The following CNNM1 variants were observed in gnomAD, a reference collection of about 807,000 sequenced individuals.
CNNM1 encodes the protein metal transporter CNNM1.
CNNM1 carries 44 observed loss-of-function variants against 78.8 expected under a neutral mutation model. The ratio of observed to expected loss-of-function variants is 0.56; its 90% confidence interval spans 0.44 to 0.72. CNNM1 has a LOEUF of 0.72. Among genes scored for constraint, CNNM1 ranks in the 30% least tolerant of loss-of-function variants. CNNM1 has a pLI of 0.00. For missense variants in CNNM1, 1,101 were observed against 1,292.2 expected (o/e 0.85, Z 2.27); for synonymous variants, 584 against 581.5 (o/e 1.00, Z -0.06).
chr10:99,360,869 G>A lies in CNNM1; in HGVS notation c.1752G>A (p.Arg584=), dbSNP rs1263342993. The change falls in exon 3 of 11, where the codon CGG becomes CGA. Residue 584 remains arginine (R), a synonymous_variant. Coordinates refer to ENST00000356713, the MANE Select transcript of CNNM1 (RefSeq NM_020348.3). The part of the protein sequence containing the change: ...DNRKKQRVPQ[R]ERKRHDFSLF... The stretch of plus-strand genomic sequence containing the variant: ...GGAAAAAGCAGAGGGTCCCGCAACG[G>A]GAGCGGAAGCGGCATGACTTCTCCT... The A allele has an allele frequency of 6.2e-7, 1 of 1,611,608 alleles. No individual in the cohort carries two copies. The highest frequency in any genetic ancestry group is 8.5e-7 in the Non-Finnish European group (1 of 1,178,062).
intron 6 of CNNM1, chr10:99,368,335 A>G (rs1313472840): frequency 1.0e-5 from 3 of 297,482 alleles, no homozygotes; most frequent in East Asian, 1.6e-4. Context: ...TGCTTCCCAC[A>G]GGGCTCGGCT....
intron 6 of CNNM1, among the ~76,000 whole-genome samples, chr10:99,372,187 G>A (rs1186415740): frequency 6.6e-6 from 1 of 152,140 alleles, no homozygotes; most frequent in African/African-American, 2.4e-5. Flanking sequence ...CCCGATTACA[G>A]TGTGAAGTCC....
intron 10 of CNNM1, among the ~76,000 whole-genome samples, chr10:99,391,149 G>A (rs1464013023): frequency 6.6e-6 from 1 of 152,258 alleles, no homozygotes; most frequent in Non-Finnish European, 1.5e-5. Flanking sequence ...TGGGCCTGAG[G>A]TGTTACATGG....
At chr10:99,382,891 C>T (rs549775308) in intron 7 of CNNM1, among the ~76,000 whole-genome samples, 21 of 152,332 alleles carry the variant, frequency 1.4e-4, no homozygotes, top group Middle Eastern at 6.8e-3. Flanking sequence ...AACAGACCTC[C>T]GCTTCCTTTG....
At chr10:99,361,397 A>G (rs1457647667) in intron 3 of CNNM1, among the ~76,000 whole-genome samples, 1 of 152,220 alleles carries the variant, frequency 6.6e-6, no homozygotes, top group Admixed American at 6.5e-5. Flanking sequence ...GAAAGAAAAA[A>G]AAGTGAGAAA....
intron 1 of CNNM1, among the ~76,000 whole-genome samples, chr10:99,337,829 A>G (rs1160240599): frequency 6.6e-6 from 1 of 152,234 alleles, no homozygotes; most frequent in Admixed American, 6.5e-5. Flanking sequence ...AAACTTTAAT[A>G]TAATGGAAGA....
rs751993329 is a variant in CNNM1 at position 99,362,362 on chromosome 10, A to G, written c.1994A>G (p.Asn665Ser). The change falls in exon 4 of 11, where the codon AAC becomes AGC. Residue 665 changes from asparagine to serine, a missense_variant. By Grantham distance (46) the Asn-to-Ser change is conservative. Around this residue, in one of 3 missense-constraint regions of CNNM1, gnomAD observed 348 missense variants for 384.5 expected, o/e 0.90. Coordinates refer to ENST00000356713, the MANE Select transcript of CNNM1 (RefSeq NM_020348.3). ...KAPEHYLYQR[N>S]RPVDYFVLLL... ...CCGGAACACTACCTCTACCAGCGCAACCGCCCTGTGGACTACTTTGTGCTG... is the reference window on the plus strand; with the variant it reads ...CCGGAACACTACCTCTACCAGCGCAGCCGCCCTGTGGACTACTTTGTGCTG... 10 of 1,613,744 alleles carry G rather than the reference A, an allele frequency of 6.2e-6. No individual in the cohort carries two copies. In the African/African-American group the frequency reaches 6.7e-5, roughly 11 times the overall value.
rs2032480160 is a variant in CNNM1 at position 99,391,752 on chromosome 10, G to A, written c.*236G>A. The A allele has an allele frequency of 2.1e-6, 1 of 480,954 alleles. No individual in the cohort carries two copies. Among genetic ancestry groups the A allele is most frequent in the African/African-American group, 2.0e-5 (1 of 51,200 alleles). 29.8% of individuals were successfully genotyped at this position (480,954 alleles called of 1,614,324 possible). Reference sequence around the variant, plus strand: ...GAGGTGCCTCTGATAGAACATGCTAGAAATGGTCTTTTCCACAGCATAGTC... The same window carrying A: ...GAGGTGCCTCTGATAGAACATGCTAAAAATGGTCTTTTCCACAGCATAGTC... On this transcript the variant is annotated 3_prime_UTR_variant, in exon 11 of 11. Transcript: ENST00000356713.
At chr10:99,346,027 G>A (rs1347977262) in intron 1 of CNNM1, among the ~76,000 whole-genome samples, 4 of 151,990 alleles carry the variant, frequency 2.6e-5, no homozygotes, top group African/African-American at 4.8e-5. Flanking sequence ...TGAACAATAC[G>A]TTTTGACATA....
In CNNM1 at chr10:99,364,681, A is replaced by G. The variant is rs549821853; in HGVS notation, c.2128+165A>G. ...CCTCTGCAAAATGGGTGTATGAATC[A>G]CTTTTCATTCAGTTAGTGCTTAAAA... On this transcript the variant is annotated intron_variant, in intron 5 of 10. Transcript: ENST00000356713. Among the ~76,000 whole-genome samples, 17 of 152,264 alleles carry G rather than the reference A, an allele frequency of 1.1e-4. No individual in the cohort carries two copies. In the East Asian group the frequency reaches 3.3e-3, roughly 29 times the overall value.
rs560876647 is a variant in CNNM1 at position 99,389,154 on chromosome 10, G to A, written c.2674+853G>A. Among the ~76,000 whole-genome samples the A allele has an allele frequency of 1.3e-3, 192 of 152,288 alleles. 1 individual carries two copies. The South Asian group carries it at 0.038, about 30-fold the overall frequency. ...AAGTTGGCCGGGCACGGTGGCTCAT[G>A]CCTGTAATCCCAGCACTTTGGGAGG... On this transcript the variant is annotated intron_variant, in intron 9 of 10. Coordinates refer to ENST00000356713, the MANE Select transcript of CNNM1 (RefSeq NM_020348.3).
intron 1 of CNNM1, among the ~76,000 whole-genome samples, chr10:99,353,828 G>T (rs953483505): frequency 6.6e-6 from 1 of 152,212 alleles, no homozygotes; most frequent in African/African-American, 2.4e-5. Context: ...AGCTTACCTA[G>T]GTACATTATC....
chr10:99,355,217 T>C (rs993251796), intron 1 of CNNM1, among the ~76,000 whole-genome samples: 4 of 137,178 alleles, frequency 2.9e-5, no homozygotes, highest in Non-Finnish European at 6.0e-5. Flanking sequence ...TAGGTGGGAA[T>C]TGAACAATGA....
At chr10:99,368,800 G>A in intron 6 of CNNM1, 1 of 574,854 alleles carries the variant, frequency 1.7e-6, no homozygotes, top group South Asian at 1.6e-5. Context: ...CTGTGACTAA[G>A]GCATAGCACT....
intron 2 of CNNM1, among the ~76,000 whole-genome samples, chr10:99,360,206 A>G (rs1017907132): frequency 5.3e-5 from 8 of 152,138 alleles, no homozygotes; most frequent in Non-Finnish European, 1.0e-4. Context: ...GGGTTGAAGC[A>G]GGGAAATTGT....
intron 1 of CNNM1, among the ~76,000 whole-genome samples, chr10:99,349,163 C>T (rs991202476): frequency 1.3e-4 from 20 of 152,164 alleles, no homozygotes; most frequent in African/African-American, 4.6e-4. Context: ...TTGCTGGGAT[C>T]TTTAATCAGC....
At chr10:99,337,934 T>C (rs1028737104) in intron 1 of CNNM1, among the ~76,000 whole-genome samples, 3 of 152,240 alleles carry the variant, frequency 2.0e-5, no homozygotes, top group African/African-American at 7.2e-5. Flanking sequence ...AAGAAAAGTG[T>C]TGCATCTATT....
chr10:99,355,964 C>T (rs1183355961), intron 1 of CNNM1, among the ~76,000 whole-genome samples: 1 of 152,188 alleles, frequency 6.6e-6, no homozygotes, highest in Non-Finnish European at 1.5e-5. Context: ...GTCATTTGAG[C>T]TCCACAGTCA....
chr10:99,329,711 C>A lies in CNNM1; in HGVS notation c.324C>A (p.Phe108Leu). The A allele has an allele frequency of 6.5e-7, 1 of 1,536,324 alleles. No homozygotes were observed. The highest frequency in any genetic ancestry group is 1.2e-5 in the South Asian group (1 of 83,112). Residue 108 changes from phenylalanine to leucine, a missense_variant, in exon 1 of 11, where the codon TTC becomes TTA. This residue lies in a region of CNNM1 where 476 missense variants were observed against 484.5 expected (regional missense o/e 0.98). Transcript: ENST00000356713. ...GCGACTGGGCTCCGCGGCTCGTGTTCATCGAGGAGCCCCCGGGCGGTGGCG... is the reference window on the plus strand; with the variant it reads ...GCGACTGGGCTCCGCGGCTCGTGTTAATCGAGGAGCCCCCGGGCGGTGGCG... ...GTGDWAPRLV[F>L]IEEPPGGGGV... is the part of the protein sequence containing the mutation.
Sources: allele counts gnomAD v4.1 joint callset (sites outside exome capture counted in the v4.1 genomes callset), GRCh38; gene constraint gnomAD v4.1.1; regional missense constraint gnomAD v4.1.1; transcripts MANE v1.5; gene names NCBI Gene and HGNC (gene_info 2026-07-23, HGNC 2026-07-21).